Variants in ETNK1 observed in about 807,000 individuals in gnomAD.
ETNK1 encodes putative protein product of Nbla10396.
ETNK1 carries 8 observed loss-of-function variants against 45.1 expected under a neutral mutation model. That is an observed-to-expected ratio of 0.18 (90% CI 0.10 to 0.32). ETNK1 has a LOEUF of 0.32. Ranked by LOEUF, ETNK1 falls within the 10% of genes least tolerant of loss-of-function variation. The pLI, the probability that ETNK1 is intolerant of heterozygous loss-of-function variation, is 1.00. For missense variants in ETNK1, 302 were observed against 430.6 expected (o/e 0.70, Z 2.64); for synonymous variants, 152 against 151.9 (o/e 1.00, Z -0.01).
intron 5 of ETNK1, 31 bp downstream of exon 5, chr12:22,671,386 T>A (rs2137567967): frequency 7.8e-7 from 1 of 1,284,338 alleles, no homozygotes; most frequent in East Asian, 2.3e-5. Context: ...TATTTAGCTT[T>A]GAAACGATAT....
intron 1 of ETNK1, among the ~76,000 whole-genome samples, chr12:22,635,902 T>C (rs1565862893): frequency 6.6e-6 from 1 of 152,062 alleles, no homozygotes; most frequent in African/African-American, 2.4e-5. Context: ...TTGAAAAGAA[T>C]GTATGTTCTT....
At chr12:22,628,176 G>T (rs1444523564) in intron 1 of ETNK1, among the ~76,000 whole-genome samples, 1 of 152,042 alleles carries the variant, frequency 6.6e-6, no homozygotes, top group Non-Finnish European at 1.5e-5. Context: ...CAACTATCCT[G>T]TGAGGTAGAT....
At chr12:22,680,900 C>A (rs114055614) in intron 6 of ETNK1, among the ~76,000 whole-genome samples, 15 of 136,782 alleles carry the variant, frequency 1.1e-4, no homozygotes, top group South Asian at 5.5e-4. Context: ...TCCCCCGCCC[C>A]CCCCTCCATT....
intron 2 of ETNK1, among the ~76,000 whole-genome samples, chr12:22,649,057 G>A (rs1288511958): frequency 6.6e-6 from 1 of 151,988 alleles, no homozygotes; most frequent in African/African-American, 2.4e-5. Flanking sequence ...TTTTTAAATT[G>A]GGTTGTTTGT....
chr12:22,664,514 G>A (rs371807086), intron 4 of ETNK1, among the ~76,000 whole-genome samples: 4 of 152,032 alleles, frequency 2.6e-5, no homozygotes, highest in African/African-American at 9.7e-5. Context: ...CAATTTGTAG[G>A]CATTTTTACA....
intron 1 of ETNK1, among the ~76,000 whole-genome samples, chr12:22,636,309 A>G (rs552625386): frequency 3.7e-4 from 57 of 152,284 alleles, no homozygotes; most frequent in African/African-American, 1.3e-3. Flanking sequence ...TTGGAAAAAA[A>G]TAGTGTCATC....
intron 2 of ETNK1, among the ~76,000 whole-genome samples, chr12:22,652,630 T>C (rs1386098809): frequency 6.6e-6 from 1 of 152,226 alleles, no homozygotes; most frequent in Non-Finnish European, 1.5e-5. Context: ...ATTGACCATT[T>C]GTTTACTTTT....
At chr12:22,640,345 T>G (rs545171538) in intron 1 of ETNK1, among the ~76,000 whole-genome samples, 1 of 151,714 alleles carries the variant, frequency 6.6e-6, no homozygotes, top group Admixed American at 6.6e-5. Context: ...TATAGGGTAG[T>G]ACTAACTTGA....
chr12:22,687,628 A>C lies in ETNK1; in HGVS notation c.*2674A>C, dbSNP rs1954271784. 6.6e-6 allele frequency: 1 copy of C among 152,288 alleles called. No homozygotes were observed. Among genetic ancestry groups the C allele is most frequent in the South Asian group, 2.1e-4 (1 of 4,828 alleles). The allele number at this position is 152,288 out of a possible 1,614,324, so 9.4% of individuals were successfully genotyped here. A position where few individuals can be genotyped will look rare whatever the true frequency, so the allele number is the denominator to read the frequency against. The stretch of plus-strand genomic sequence containing the variant: ...CCCCATGCTACCACCATTTTCTGGA[A>C]ATCAAAGAGATGTGGTAGTAAATCA... On this transcript the variant is annotated 3_prime_UTR_variant, in exon 8 of 8. Transcript: ENST00000266517.
intron 1 of ETNK1, chr12:22,638,940 A>C (rs1953692496): frequency 6.6e-6 from 1 of 152,166 alleles, no homozygotes; most frequent in African/African-American, 2.4e-5. Flanking sequence ...GCGTGATCAC[A>C]GCACCATTAG....
At position 22,684,988 on chromosome 12, in the gene ETNK1, A is replaced by G. The variant is rs781436816; in HGVS notation, c.*34A>G. ...TTTAATTATTCTCCAGTAGCTGAGCAATGCTTGTGAATCTTTTCTTAAGAA... is the reference window on the plus strand; with the variant it reads ...TTTAATTATTCTCCAGTAGCTGAGCGATGCTTGTGAATCTTTTCTTAAGAA... On this transcript the variant is annotated 3_prime_UTR_variant, in exon 8 of 8. Transcript: ENST00000266517. 7.0e-7 allele frequency: 1 copy of G among 1,423,074 alleles called. No individual in the cohort carries two copies. The highest frequency in any genetic ancestry group is 1.4e-5 in the African/African-American group (1 of 69,104). The allele number at this position is 1,423,074 out of a possible 1,614,324, so 88.2% of individuals were successfully genotyped here.
chr12:22,632,582 T>A (rs1407535551), intron 1 of ETNK1, among the ~76,000 whole-genome samples: 2 of 152,034 alleles, frequency 1.3e-5, no homozygotes, highest in Non-Finnish European at 2.9e-5. Context: ...CTATCATAGC[T>A]CACTGCAGCC....
At chr12:22,626,020 G>C in intron 1 of ETNK1, 1 of 380,620 alleles carries the variant, frequency 2.6e-6, no homozygotes, top group South Asian at 2.0e-5. Context: ...CCCCTGCGAT[G>C]TGCTTTCATT....
intron 1 of ETNK1, among the ~76,000 whole-genome samples, chr12:22,642,728 A>G (rs1953755219): frequency 6.6e-6 from 1 of 151,712 alleles, no homozygotes; most frequent in Non-Finnish European, 1.5e-5. Flanking sequence ...CTTTTTTTCT[A>G]TTCTTGCCCC....
At chr12:22,629,402 A>G (rs999902637) in intron 1 of ETNK1, among the ~76,000 whole-genome samples, 1 of 152,118 alleles carries the variant, frequency 6.6e-6, no homozygotes, top group Non-Finnish European at 1.5e-5. Flanking sequence ...GTATTCTATC[A>G]TGGAAATTAA....
At chr12:22,668,250 A>C (rs893990197) in intron 4 of ETNK1, among the ~76,000 whole-genome samples, 1 of 152,226 alleles carries the variant, frequency 6.6e-6, no homozygotes, top group African/African-American at 2.4e-5. Context: ...AACTGAGATG[A>C]TGATCATGCT....
chr12:22,649,221 G>C (rs1480420825), intron 2 of ETNK1, among the ~76,000 whole-genome samples: 1 of 151,926 alleles, frequency 6.6e-6, no homozygotes, highest in African/African-American at 2.4e-5. Context: ...TAATTTTAAT[G>C]AAGTCCAGCT....
At chr12:22,655,601 T>C (rs1176919437) in intron 2 of ETNK1, among the ~76,000 whole-genome samples, 3 of 152,224 alleles carry the variant, frequency 2.0e-5, no homozygotes, top group African/African-American at 7.2e-5. Flanking sequence ...CCTTCCAAAG[T>C]GCTGGGATTA....
chr12:22,628,209 A>G (rs1225536730), intron 1 of ETNK1, among the ~76,000 whole-genome samples: 1 of 152,110 alleles, frequency 6.6e-6, no homozygotes, highest in Admixed American at 6.5e-5. Flanking sequence ...GTTAATATGT[A>G]TCATATAGTT....
Sources: gnomAD v4.1 joint callset for allele counts (sites outside exome capture counted in the v4.1 genomes callset) on GRCh38, gnomAD v4.1.1 for gene constraint, MANE v1.5 for transcripts, NCBI Gene and HGNC (gene_info 2026-07-23, HGNC 2026-07-21) for gene names.